CALN1: variants seen among roughly 807,000 people sequenced by gnomAD.
CALN1 encodes calneuron 1, also known as calcium-binding protein 8.
In CALN1, 17 loss-of-function variants were observed where a neutral mutation model predicts 30.6. The observed-to-expected ratio is 0.56, with a 90% confidence interval of 0.38 to 0.83. CALN1 has a LOEUF of 0.83. CALN1 is among the 40% of genes least tolerant of loss of function. The probability of loss-of-function intolerance (pLI) is 0.00; values close to 1 mark genes in which losing one functional copy is unlikely to be tolerated. For synonymous variants in CALN1, 156 were observed against 131.4 expected (o/e 1.19, Z -1.28); for missense variants, 291 against 354.9 (o/e 0.82, Z 1.45).
chr7:71,808,082 A>G (rs1415954725), intron 6 of CALN1, among the ~76,000 whole-genome samples: 1 of 152,066 alleles, frequency 6.6e-6, no homozygotes, highest in Admixed American at 6.6e-5. Flanking sequence ...TCAAAAACAA[A>G]CAAAACAAAA....
intron 2 of CALN1, among the ~76,000 whole-genome samples, chr7:72,359,976 C>CAAAAAAAA (rs750054515): frequency 6.3e-5 from 4 of 63,954 alleles, no homozygotes; most frequent in African/African-American, 2.6e-4. Flanking sequence ...GACTCCATCT[C>CAAAAAAAA]AAAAAAAAAA....
intron 5 of CALN1, among the ~76,000 whole-genome samples, chr7:71,816,238 AT>A (rs1236685587): frequency 1.3e-5 from 2 of 152,164 alleles, no homozygotes; most frequent in African/African-American, 2.4e-5. Context: ...AAAGCCATTT[AT>A]ACACTTCAGA....
chr7:72,262,183 ATAAG>A (rs1562809354), intron 3 of CALN1, among the ~76,000 whole-genome samples: 1 of 152,174 alleles, frequency 6.6e-6, no homozygotes, highest in African/African-American at 2.4e-5. Context: ...TACCCAAGGA[ATAAG>A]TATTATAGGA....
chr7:72,023,800 A>C lies in CALN1; in HGVS notation c.389-31T>G, dbSNP rs556419064. On this transcript the variant is annotated intron_variant, in intron 4 of 6. Coordinates refer to ENST00000395275, the MANE Select transcript of CALN1 (RefSeq NM_031468.4). ...AGGAGAAGATGTAAATATGAGTTGC[A>C]AACAAGCTGAACTTGACCTACCGTA... is the stretch of plus-strand genomic sequence containing the variant. 18 of 1,562,560 alleles carry C rather than the reference A, an allele frequency of 1.2e-5. No individual in the cohort carries two copies. In the African/African-American group the frequency reaches 2.4e-4, roughly 21 times the overall value.
the CALN1 span, among the ~76,000 whole-genome samples, chr7:72,464,146 G>C: frequency 6.6e-6 from 1 of 152,002 alleles, no homozygotes; most frequent in Non-Finnish European, 1.5e-5. Context: ...GAAAGAAAGA[G>C]AGAGACATTT....
Position 72,339,968 on chromosome 7 carries a change from C to A in CALN1, c.120-61158G>T, listed in dbSNP as rs527598736. On this transcript the variant is annotated intron_variant, in intron 2 of 6. Transcript: ENST00000395275. ...AAACCATTCCCTATAGTCTATCATT[C>A]CCTATAGAATCTAAACATAACATCT... 3.3e-5 allele frequency among the ~76,000 whole-genome samples: 5 copies of A among 152,256 alleles called. No individual in the cohort carries two copies. The East Asian group carries it at 9.7e-4, about 29-fold the overall frequency.
chr7:72,065,699 C>G (rs906402196), intron 4 of CALN1, among the ~76,000 whole-genome samples: 2 of 152,016 alleles, frequency 1.3e-5, no homozygotes, highest in African/African-American at 4.8e-5. Context: ...CAAGACCAGC[C>G]TGGCCAATGT....
intron 5 of CALN1, among the ~76,000 whole-genome samples, chr7:71,869,210 AC>A (rs1466540803): frequency 6.6e-6 from 1 of 151,742 alleles, no homozygotes; most frequent in Non-Finnish European, 1.5e-5. Flanking sequence ...CCTGGAAAAA[AC>A]ACTTTTTTTT....
intron 3 of CALN1, among the ~76,000 whole-genome samples, chr7:72,245,278 T>C (rs551463953): frequency 1.3e-5 from 2 of 152,176 alleles, no homozygotes; most frequent in Non-Finnish European, 2.9e-5. Context: ...GTGCTGACTT[T>C]TCCTGCAACC....
Position 71,925,530 on chromosome 7 carries a change from C to A in CALN1, c.501+98127G>T, listed in dbSNP as rs565444246. On this transcript the variant is annotated intron_variant, in intron 5 of 6. Transcript: ENST00000395275. Reference sequence around the variant, plus strand: ...TTGGTTGTTGTTTGGTCTGGAAAGTCATTATTTGTCTTTAGTTTTAAAAAA... The same window carrying A: ...TTGGTTGTTGTTTGGTCTGGAAAGTAATTATTTGTCTTTAGTTTTAAAAAA... Among the ~76,000 whole-genome samples, 35 of 148,508 alleles carry A rather than the reference C, an allele frequency of 2.4e-4. No individual in the cohort carries two copies. The South Asian group carries it at 5.4e-3, about 23-fold the overall frequency.
intron 5 of CALN1, among the ~76,000 whole-genome samples, chr7:72,016,946 A>G (rs1800412271): frequency 6.8e-6 from 1 of 147,926 alleles, no homozygotes; most frequent in African/African-American, 2.5e-5. Flanking sequence ...TGAGGCCAGG[A>G]GCTCAAGACC....
rs1175161829 is a variant in CALN1, at chr7:71,873,031, T to TCTCA, written c.502-62543_502-62540dup. Among the ~76,000 whole-genome samples, 3 of 130,572 alleles carry TCTCA rather than the reference T, an allele frequency of 2.3e-5. No homozygotes were observed. In the East Asian group the frequency reaches 6.4e-4, roughly 28 times the overall value. The allele number at this position is 130,572 out of a possible 152,430, so 85.7% of individuals were successfully genotyped here. On this transcript the variant is annotated intron_variant, in intron 5 of 6. Coordinates refer to ENST00000395275, the MANE Select transcript of CALN1 (RefSeq NM_031468.4). ...TTTTTTTTTTTTTTTTGAGATGGAG[T>TCTCA]CTCACCCTGTCACCCAGTCTGGAGT...
chr7:72,406,288 T>C (rs978284299), intron 1 of CALN1, among the ~76,000 whole-genome samples: 1 of 152,138 alleles, frequency 6.6e-6, no homozygotes, highest in Non-Finnish European at 1.5e-5. Flanking sequence ...CATCTGCACA[T>C]AAGACAGACC....
At chr7:72,151,838 A>G (rs1278565628) in intron 3 of CALN1, among the ~76,000 whole-genome samples, 2 of 151,364 alleles carry the variant, frequency 1.3e-5, no homozygotes, top group Non-Finnish European at 2.9e-5. Context: ...CAGCCTCCCG[A>G]GTAGCTGGGA....
At chr7:71,916,915 C>G (rs1794712885) in intron 5 of CALN1, among the ~76,000 whole-genome samples, 1 of 152,184 alleles carries the variant, frequency 6.6e-6, no homozygotes, top group South Asian at 2.1e-4. Flanking sequence ...GTGGTACCAT[C>G]ATGTTGTCTG....
chr7:72,367,885 A>C (rs755628435), intron 2 of CALN1, among the ~76,000 whole-genome samples: 26 of 151,866 alleles, frequency 1.7e-4, no homozygotes, highest in Non-Finnish European at 3.4e-4. Context: ...TGTAATAACA[A>C]CACTTTGGGA....
chr7:72,275,914 G>A (rs1324610566), intron 3 of CALN1, among the ~76,000 whole-genome samples: 1 of 152,158 alleles, frequency 6.6e-6, no homozygotes, highest in Non-Finnish European at 1.5e-5. Flanking sequence ...CTCTTGAAAA[G>A]CCATGCACCC....
At chr7:72,211,185 A>C (rs1436284610) in intron 3 of CALN1, among the ~76,000 whole-genome samples, 6 of 152,080 alleles carry the variant, frequency 3.9e-5, no homozygotes, top group African/African-American at 1.2e-4. Context: ...GCTGGCCCCA[A>C]CCTGACCCTT....
At chr7:72,055,917 A>G (rs1228830812) in intron 4 of CALN1, among the ~76,000 whole-genome samples, 3 of 152,158 alleles carry the variant, frequency 2.0e-5, no homozygotes, top group African/African-American at 4.8e-5. Flanking sequence ...ACTACTCAGG[A>G]GGCTGAGGCA....
Sources: allele counts gnomAD v4.1 joint callset (sites outside exome capture counted in the v4.1 genomes callset), GRCh38; gene constraint gnomAD v4.1.1; transcripts MANE v1.5; gene names NCBI Gene and HGNC (gene_info 2026-07-23, HGNC 2026-07-21).